MED13L: variants seen among roughly 807,000 people sequenced by gnomAD.
MED13L encodes mediator of RNA polymerase II transcription subunit 13-like.
Under a neutral mutation model 220.9 loss-of-function variants are expected in MED13L, and 7 were observed. The ratio of observed to expected loss-of-function variants is 0.03; its 90% CI spans 0.02 to 0.06. MED13L has a LOEUF of 0.06. Ranked by LOEUF, MED13L falls within the 10% of genes least tolerant of loss-of-function variation. The pLI is 1.00. For missense variants in MED13L, 1,965 were observed against 2,760.5 expected (o/e 0.71, Z 6.46); for synonymous variants, 1,011 against 1,015.2 (o/e 1.00, Z 0.08).
chr12:116,060,671 T>A (rs1163595088), intron 4 of MED13L, among the ~76,000 whole-genome samples: 4 of 151,988 alleles, frequency 2.6e-5, no homozygotes, highest in Non-Finnish European at 5.9e-5. Context: ...CTGAAAGTAC[T>A]ACTTTGGGTT....
At chr12:116,009,224 C>T (rs1218017680) in intron 9 of MED13L, 92 bp from the exon 10 acceptor site, 16 of 1,261,428 alleles carry the variant, frequency 1.3e-5, no homozygotes, top group South Asian at 1.3e-4. Context: ...ATTAGATGTA[C>T]TAATACATAT....
At chr12:116,171,096 T>G (rs1879649527) in intron 2 of MED13L, among the ~76,000 whole-genome samples, 1 of 152,274 alleles carries the variant, frequency 6.6e-6, no homozygotes, top group Admixed American at 6.5e-5. Flanking sequence ...AATGTCTTCA[T>G]ATTTTATAAA....
chr12:116,257,095 G>T (rs1465347741), intron 1 of MED13L, among the ~76,000 whole-genome samples: 1 of 152,118 alleles, frequency 6.6e-6, no homozygotes, highest in Non-Finnish European at 1.5e-5. Context: ...GACTACTTCA[G>T]GACACTGATT....
chr12:116,050,992 C>A (rs751058104), intron 4 of MED13L, among the ~76,000 whole-genome samples: 6 of 151,966 alleles, frequency 3.9e-5, no homozygotes, highest in Non-Finnish European at 7.4e-5. Flanking sequence ...TATAAGTGCT[C>A]ATTTTTCAAA....
At chr12:115,964,780 C>A (rs1381940436) in intron 29 of MED13L, among the ~76,000 whole-genome samples, 1 of 152,062 alleles carries the variant, frequency 6.6e-6, no homozygotes, top group Non-Finnish European at 1.5e-5. Flanking sequence ...TGACAAGATG[C>A]CTCAGGTTCA....
intron 4 of MED13L, among the ~76,000 whole-genome samples, chr12:116,053,841 C>T (rs1868713326): frequency 6.6e-6 from 1 of 152,136 alleles, no homozygotes; most frequent in African/African-American, 2.4e-5. Context: ...CATTTTAGCT[C>T]TTTTTACCTC....
At chr12:116,107,839 C>T (rs187062042) in intron 3 of MED13L, among the ~76,000 whole-genome samples, 211 of 152,300 alleles carry the variant, frequency 1.4e-3, no homozygotes, top group African/African-American at 5.0e-3. Flanking sequence ...TGCCTGCAAT[C>T]CCAACTCTTT....
chr12:116,139,957 C>A (rs1876912393), intron 2 of MED13L, among the ~76,000 whole-genome samples: 1 of 89,430 alleles, frequency 1.1e-5, no homozygotes. Context: ...GCAACAAAAC[C>A]AAAACTCCAT....
At chr12:116,135,479 G>C (rs866166456) in intron 2 of MED13L, among the ~76,000 whole-genome samples, 16 of 152,148 alleles carry the variant, frequency 1.1e-4, no homozygotes, top group African/African-American at 3.6e-4. Context: ...GCTGAAGGTC[G>C]AGACATCACA....
chr12:116,015,711 T>C (rs1166009469), intron 7 of MED13L, among the ~76,000 whole-genome samples: 1 of 152,230 alleles, frequency 6.6e-6, no homozygotes, highest in Non-Finnish European at 1.5e-5. Flanking sequence ...GGGAGCTTTA[T>C]ACTCATGTAG....
chr12:116,031,687 AAAGAAAAGAAAAGAAAAGAAAAG>A (rs1566020390), intron 4 of MED13L, among the ~76,000 whole-genome samples: 1 of 34,012 alleles, frequency 2.9e-5, no homozygotes, highest in African/African-American at 8.2e-5. Context: ...AAAGAAAAGA[AAAGAAAAGAAAAGAAAAGAAAAG>A]AAAAGAAAAG....
intron 2 of MED13L, among the ~76,000 whole-genome samples, chr12:116,180,275 C>G (rs1371461981): frequency 1.3e-5 from 2 of 152,232 alleles, no homozygotes; most frequent in Admixed American, 6.5e-5. Flanking sequence ...ATCTGAAATC[C>G]AAAGTGCTCC....
At chr12:116,177,874 G>A (rs1880189805) in intron 2 of MED13L, among the ~76,000 whole-genome samples, 1 of 151,912 alleles carries the variant, frequency 6.6e-6, no homozygotes, top group Non-Finnish European at 1.5e-5. Flanking sequence ...TTTTTTAAAA[G>A]ACAGAATCTC....
At chr12:116,237,793 T>C in intron 1 of MED13L, 88 bp from the exon 2 acceptor site, 5 of 1,115,562 alleles carry the variant, frequency 4.5e-6, no homozygotes, top group Non-Finnish European at 6.9e-6. Flanking sequence ...GCAATTGTGC[T>C]AAAATAAATA....
chr12:116,236,332 T>C (rs1041209896), intron 2 of MED13L, among the ~76,000 whole-genome samples: 10 of 152,286 alleles, frequency 6.6e-5, no homozygotes, highest in African/African-American at 2.2e-4. Context: ...AATTAGTCCA[T>C]TGTGGTTTAC....
chr12:116,230,385 G>T, intron 2 of MED13L: 1 of 693,338 alleles, frequency 1.4e-6, no homozygotes, highest in Non-Finnish European at 1.8e-6. Context: ...GGGTGACAAA[G>T]TGAGACTCCG....
chr12:116,069,267 T>A (rs1333369494), intron 4 of MED13L, among the ~76,000 whole-genome samples: 1 of 152,248 alleles, frequency 6.6e-6, no homozygotes, highest in South Asian at 2.1e-4. Flanking sequence ...CCCTAGTAGA[T>A]GCTATCTAGC....
chr12:116,088,660 A>G (rs762443666), intron 4 of MED13L, among the ~76,000 whole-genome samples: 1 of 152,074 alleles, frequency 6.6e-6, no homozygotes, highest in Non-Finnish European at 1.5e-5. Context: ...TGCCCACCAC[A>G]AAAGAGACAA....
intron 2 of MED13L, among the ~76,000 whole-genome samples, chr12:116,136,867 C>T (rs760169166): frequency 1.3e-5 from 2 of 152,156 alleles, no homozygotes; most frequent in Admixed American, 6.5e-5. Context: ...ATATTACATG[C>T]ACACTTTCAT....
Sources: gnomAD v4.1 joint callset for allele counts (sites outside exome capture counted in the v4.1 genomes callset) on GRCh38, gnomAD v4.1.1 for gene constraint, MANE v1.5 for transcripts, NCBI Gene and HGNC (gene_info 2026-07-23, HGNC 2026-07-21) for gene names.